RAPGEF6: variants seen among roughly 807,000 people sequenced by gnomAD.
RAPGEF6 encodes PDZ domain containing guanine nucleotide exchange factor (GEF) 2.
A neutral mutation model predicts 171.4 loss-of-function variants in RAPGEF6; 56 were observed. The observed-to-expected ratio is 0.33, with a 90% CI of 0.26 to 0.41. RAPGEF6 has a LOEUF of 0.41. Among genes scored for constraint, RAPGEF6 ranks in the 10% least tolerant of loss-of-function variants. The pLI, the probability that RAPGEF6 is intolerant of heterozygous loss-of-function variation, is 1.00. For missense variants in RAPGEF6, 1,674 were observed against 1,921.4 expected (o/e 0.87, Z 2.41); for synonymous variants, 692 against 650.1 (o/e 1.06, Z -0.98).
intron 17 of RAPGEF6, among the ~76,000 whole-genome samples, chr5:131,466,503 CAT>C (rs577890540): frequency 2.6e-5 from 4 of 152,198 alleles, no homozygotes; most frequent in African/African-American, 2.4e-5. Flanking sequence ...ACAATTCCCA[CAT>C]GTCATGGGAG....
chr5:131,573,633 G>A (rs894985681), intron 4 of RAPGEF6, among the ~76,000 whole-genome samples: 1 of 152,012 alleles, frequency 6.6e-6, no homozygotes, highest in African/African-American at 2.4e-5. Context: ...GATTCCCATT[G>A]GCAATACCAG....
chr5:131,558,218 GTT>G (rs200045599), intron 5 of RAPGEF6, among the ~76,000 whole-genome samples: 4,033 of 131,528 alleles, frequency 0.031, 183 homozygotes, highest in African/African-American at 0.1. Context: ...TGCCAGTTTG[GTT>G]TTTTTTTTTT....
At chr5:131,511,947 A>G (rs1320683187) in intron 7 of RAPGEF6, among the ~76,000 whole-genome samples, 2 of 152,192 alleles carry the variant, frequency 1.3e-5, no homozygotes, top group Non-Finnish European at 2.9e-5. Flanking sequence ...CTGGAAGCAG[A>G]GCATCCTTTC....
At position 131,539,923 on chromosome 5, in the gene RAPGEF6, T is replaced by C. The variant is rs1017545992; in HGVS notation, c.495+8124A>G. On this transcript the variant is annotated intron_variant, in intron 6 of 27. Coordinates refer to ENST00000509018, the MANE Select transcript of RAPGEF6 (RefSeq NM_016340.6). ...TGTCACATCATCCTACCACCCACTA[T>C]ACAATCCCAGAACAAAAGACTAGAT... Among the ~76,000 whole-genome samples, 7 of 152,260 alleles carry C rather than the reference T, an allele frequency of 4.6e-5. No homozygotes were observed. The East Asian group carries it at 5.8e-4, about 13-fold the overall frequency.
rs367705878 is a variant in RAPGEF6, at chr5:131,464,376, A to G, written c.2240-95T>C. ...GTGAAACACAGTGATCCCTCTGAAC[A>G]CTGAAATATACATTTCTATTTCACA... On this transcript the variant is annotated intron_variant, in intron 17 of 27. Coordinates refer to ENST00000509018, the MANE Select transcript of RAPGEF6 (RefSeq NM_016340.6). 1.1e-4 allele frequency: 95 copies of G among 845,362 alleles called. 2 individuals carry two copies. The South Asian group carries it at 1.4e-3, about 12-fold the overall frequency. The allele number at this position is 845,362 out of a possible 1,614,324, so 52.4% of individuals were successfully genotyped here.
At chr5:131,459,671 T>TA (rs1351211320) in intron 19 of RAPGEF6, among the ~76,000 whole-genome samples, 12 of 152,178 alleles carry the variant, frequency 7.9e-5, no homozygotes, top group Admixed American at 7.9e-4. Flanking sequence ...CATAGTTGTT[T>TA]AAAAAATATG....
chr5:131,558,203 GTATATGCCAGTTTGGTTTTTT>G (rs1359312433), intron 5 of RAPGEF6, among the ~76,000 whole-genome samples: 1 of 147,024 alleles, frequency 6.8e-6, no homozygotes. Context: ...GTTTGTGTGT[GTATATGCCAGTTTGGTTTTTT>G]TTTTTTTTTT....
intron 25 of RAPGEF6, among the ~76,000 whole-genome samples, chr5:131,431,829 G>A (rs181718248): frequency 1.3e-5 from 2 of 152,222 alleles, no homozygotes; most frequent in Admixed American, 1.3e-4. Context: ...AAAGATGAGA[G>A]TTGAAATGAA....
intron 6 of RAPGEF6, among the ~76,000 whole-genome samples, chr5:131,528,228 ATATT>A (rs1382940613): frequency 3.2e-5 from 4 of 126,690 alleles, no homozygotes; most frequent in East Asian, 2.2e-4. Context: ...ATAAAATAAT[ATATT>A]TATATATCAT....
intron 6 of RAPGEF6, among the ~76,000 whole-genome samples, chr5:131,541,959 G>A (rs1760182129): frequency 8.4e-6 from 1 of 118,442 alleles, no homozygotes; most frequent in South Asian, 2.9e-4. Context: ...CATTTGATTG[G>A]CTTCTAGCTA....
rs777656688 is a variant in RAPGEF6 at position 131,491,793 on chromosome 5, C to G, written c.1731+789G>C. Among the ~76,000 whole-genome samples the G allele has an allele frequency of 1.2e-4, 19 of 152,146 alleles. 1 individual carries two copies. The highest frequency in any genetic ancestry group is 7.2e-4 in the Admixed American group (11 of 15,278). ...TCATCCAAAAACCATCTCCATCACC[C>G]CAGCCCCAACTCCCTGGTCCGTGGA... On this transcript the variant is annotated intron_variant, in intron 14 of 27. Transcript: ENST00000509018.
chr5:131,552,284 A>G (rs542609367), intron 5 of RAPGEF6, among the ~76,000 whole-genome samples: 1 of 151,936 alleles, frequency 6.6e-6, no homozygotes, highest in Non-Finnish European at 1.5e-5. Context: ...GAGGAGGGGG[A>G]GCAACTGAAC....
rs1378448506 is a variant in RAPGEF6, at chr5:131,528,321, ATAT to A, written c.496-6803_496-6801del. ...AAAATAATATATTTATATTATATAT[ATAT>A]ATATATATATATATACACACACACA... is the stretch of plus-strand genomic sequence containing the variant. On this transcript the variant is annotated intron_variant, in intron 6 of 27. Transcript: ENST00000509018. Among the ~76,000 whole-genome samples the A allele has an allele frequency of 8.4e-3, 456 of 54,396 alleles. 24 individuals carry two copies. The highest frequency in any genetic ancestry group is 0.015 in the South Asian group (27 of 1,806). 35.7% of individuals were successfully genotyped at this position (54,396 alleles called of 152,430 possible).
intron 8 of RAPGEF6, among the ~76,000 whole-genome samples, chr5:131,509,309 C>T (rs1205766366): frequency 1.3e-5 from 2 of 151,962 alleles, no homozygotes; most frequent in South Asian, 2.1e-4. Context: ...TTAGGGAGGC[C>T]GAGGTGGGCG....
chr5:131,623,572 G>A (rs1765723694), intron 1 of RAPGEF6, among the ~76,000 whole-genome samples: 1 of 139,444 alleles, frequency 7.2e-6, no homozygotes, highest in Non-Finnish European at 1.5e-5. Context: ...CGCAACCTCC[G>A]CCTCTAGGGT....
At chr5:131,465,623 A>T (rs1754282357) in intron 17 of RAPGEF6, among the ~76,000 whole-genome samples, 1 of 152,000 alleles carries the variant, frequency 6.6e-6, no homozygotes, top group East Asian at 1.9e-4. Flanking sequence ...TCTACAAAAA[A>T]TTTTTAAAAA....
At chr5:131,536,327 T>A (rs1414302959) in intron 6 of RAPGEF6, among the ~76,000 whole-genome samples, 3 of 152,156 alleles carry the variant, frequency 2.0e-5, no homozygotes, top group African/African-American at 7.2e-5. Flanking sequence ...AACATGAACA[T>A]CTGAAATGCA....
chr5:131,534,609 T>TTG (rs1479064856), intron 6 of RAPGEF6, among the ~76,000 whole-genome samples: 2 of 151,252 alleles, frequency 1.3e-5, no homozygotes, highest in Non-Finnish European at 3.0e-5. Context: ...CCAATGTGTT[T>TTG]TTTTTTTTTT....
intron 5 of RAPGEF6, among the ~76,000 whole-genome samples, chr5:131,556,868 G>T (rs1005523606): frequency 6.6e-6 from 1 of 152,162 alleles, no homozygotes; most frequent in East Asian, 1.9e-4. Flanking sequence ...TAAGAACATG[G>T]TATCTCTTTT....
Sources: gnomAD v4.1 joint callset for allele counts (sites outside exome capture counted in the v4.1 genomes callset) on GRCh38, gnomAD v4.1.1 for gene constraint, MANE v1.5 for transcripts, NCBI Gene and HGNC (gene_info 2026-07-23, HGNC 2026-07-21) for gene names.